The following METTL9 variants were observed in gnomAD, a reference collection of about 807,000 sequenced individuals.
METTL9 encodes the protein protein-L-histidine N-pros-methyltransferase.
In METTL9, 10 loss-of-function variants were observed where a neutral mutation model predicts 36.0. That is an observed-to-expected ratio of 0.28 (90% CI 0.17 to 0.47). The LOEUF (loss-of-function observed/expected upper bound fraction) is 0.47, where lower values mean the gene tolerates loss of function less well. METTL9 is among the 20% of genes least tolerant of loss of function. The pLI, the probability that METTL9 is intolerant of heterozygous loss-of-function variation, is 0.99. For missense variants in METTL9, 246 were observed against 383.5 expected (o/e 0.64, Z 3.00); for synonymous variants, 175 against 149.7 (o/e 1.17, Z -1.23).
At chr16:21,601,486 C>T (rs906316559) in intron 1 of METTL9, among the ~76,000 whole-genome samples, 10 of 152,122 alleles carry the variant, frequency 6.6e-5, no homozygotes, top group Admixed American at 3.9e-4. Flanking sequence ...ATGATTACCC[C>T]TACTGCAGCC....
In METTL9 at chr16:21,613,168, C is replaced by CTTTTT. The variant is rs57388340; in HGVS notation, c.356+365_356+369dup. Reference sequence around the variant, plus strand: ...ATCAGGGGCTAGGTCTGAGAGTCTGCTTTTTTTTTTTTTTTTTTTTTTTTT... The same window carrying CTTTTT: ...ATCAGGGGCTAGGTCTGAGAGTCTGCTTTTTTTTTTTTTTTTTTTTTTTTTTTTTT... On this transcript the variant is annotated intron_variant, in intron 2 of 4. Coordinates refer to ENST00000358154, the MANE Select transcript of METTL9 (RefSeq NM_016025.5). Among the ~76,000 whole-genome samples, 12 of 91,426 alleles carry CTTTTT rather than the reference C, an allele frequency of 1.3e-4. 2 individuals are homozygous for CTTTTT. The highest frequency in any genetic ancestry group is 3.8e-4 in the African/African-American group (7 of 18,524). The allele number at this position is 91,426 out of a possible 152,430, so 60.0% of individuals were successfully genotyped here.
intron 4 of METTL9, among the ~76,000 whole-genome samples, chr16:21,647,916 C>T (rs1467089335): frequency 4.6e-5 from 7 of 152,206 alleles, no homozygotes; most frequent in Non-Finnish European, 8.8e-5. Context: ...GTGTGGTAAC[C>T]TGTGTCCCCA....
chr16:21,607,678 T>C (rs985797069), intron 1 of METTL9, among the ~76,000 whole-genome samples: 1 of 152,234 alleles, frequency 6.6e-6, no homozygotes, highest in African/African-American at 2.4e-5. Flanking sequence ...TTGAGTGAGC[T>C]TTAAAGGCAG....
chr16:21,629,590 T>G (rs1444670108), intron 4 of METTL9, among the ~76,000 whole-genome samples: 1 of 152,196 alleles, frequency 6.6e-6, no homozygotes, highest in East Asian at 1.9e-4. Flanking sequence ...GGGTTCCTGG[T>G]CTTGCTGGCC....
At chr16:21,597,420 T>C (rs1160747994), upstream of METTL9, 11 of 582,480 alleles carry the variant, frequency 1.9e-5, no homozygotes, top group Admixed American at 5.9e-5. Context: ...GTGGTTATTA[T>C]AGAGTATTTT....
chr16:21,652,474 G>A (rs3091402), intron 4 of METTL9: 84,925 of 1,318,072 alleles, frequency 0.064, 5,669 homozygotes, highest in East Asian at 0.33. Flanking sequence ...AAATGCATTA[G>A]GTGAAAAATA....
intron 4 of METTL9, chr16:21,643,501 A>C: frequency 1.6e-6 from 2 of 1,232,064 alleles, no homozygotes; most frequent in Non-Finnish European, 1.2e-6. Context: ...TGAAATCGTT[A>C]CAACCAGCCA....
chr16:21,629,656 C>T (rs1020793828), intron 4 of METTL9, among the ~76,000 whole-genome samples: 2 of 152,150 alleles, frequency 1.3e-5, no homozygotes, highest in Non-Finnish European at 2.9e-5. Context: ...AAAGGTGGCA[C>T]GGACCCAAAG....
chr16:21,603,410 A>G (rs1379337284), intron 1 of METTL9, among the ~76,000 whole-genome samples: 1 of 152,170 alleles, frequency 6.6e-6, no homozygotes, highest in African/African-American at 2.4e-5. Context: ...AAGTGCTGGA[A>G]TTACAGGAGT....
At chr16:21,628,920 C>CGA (rs1965877247) in intron 4 of METTL9, among the ~76,000 whole-genome samples, 1 of 141,960 alleles carries the variant, frequency 7.0e-6, no homozygotes, top group African/African-American at 2.6e-5. Flanking sequence ...GATGGAGTCT[C>CGA]ACTCTGTCAC....
At chr16:21,641,515 A>G (rs750192058) in intron 4 of METTL9, 5 of 1,515,974 alleles carry the variant, frequency 3.3e-6, no homozygotes, top group Non-Finnish European at 4.6e-6. Context: ...CAGTGACTTC[A>G]TTGAAAATTA....
At chr16:21,654,940 A>G in intron 4 of METTL9, 2 of 415,806 alleles carry the variant, frequency 4.8e-6, no homozygotes. Context: ...CAAAACTGTC[A>G]GAGAAGATAA....
At chr16:21,643,030 C>T (rs985898952) in intron 4 of METTL9, 3 of 1,349,526 alleles carry the variant, frequency 2.2e-6, no homozygotes, top group Middle Eastern at 4.2e-4. Context: ...TTCAAACGTG[C>T]TTTATATCTG....
At chr16:21,647,334 C>T in intron 4 of METTL9, 1 of 1,614,214 alleles carries the variant, frequency 6.2e-7, no homozygotes, top group South Asian at 1.1e-5. Flanking sequence ...CACAGGTTCT[C>T]AGGCTGGTGA....
At chr16:21,651,648 C>T (rs1252375678) in intron 4 of METTL9, among the ~76,000 whole-genome samples, 2 of 152,118 alleles carry the variant, frequency 1.3e-5, no homozygotes, top group Non-Finnish European at 2.9e-5. Flanking sequence ...ATCAAAGTAG[C>T]GAAGTAGTAC....
chr16:21,597,282 T>C (rs116558441), upstream of METTL9: 411 of 1,289,098 alleles, frequency 3.2e-4, 1 homozygote, highest in African/African-American at 5.8e-3. Context: ...CGAGCTGGGA[T>C]ACCAAGTTCT....
In METTL9 at chr16:21,657,035, A is replaced by G. The variant is rs1567353127; in HGVS notation, c.*1603A>G. 1 of 152,028 alleles carries G rather than the reference A, an allele frequency of 6.6e-6. No homozygotes were observed. The highest frequency in any genetic ancestry group is 2.4e-5 in the African/African-American group (1 of 41,384). 9.4% of individuals were successfully genotyped at this position (152,028 alleles called of 1,614,324 possible). A position where few individuals can be genotyped will look rare whatever the true frequency, so the allele number is the denominator to read the frequency against. The stretch of plus-strand genomic sequence containing the variant: ...GTACAGTTGAGTTTTGCTTCTTTAT[A>G]AACTGTCTGTTAAAATCAGGGGTTG... On this transcript the variant is annotated 3_prime_UTR_variant, in exon 5 of 5. Coordinates refer to ENST00000358154, the MANE Select transcript of METTL9 (RefSeq NM_016025.5).
rs763582744 is a variant in METTL9, at chr16:21,647,402, A to G, written c.752-7825A>G. 4.0e-5 allele frequency: 65 copies of G among 1,613,952 alleles called. No homozygotes were observed. In the South Asian group the frequency reaches 6.9e-4, roughly 17 times the overall value. On this transcript the variant is annotated intron_variant, in intron 4 of 4. Coordinates refer to ENST00000358154, the MANE Select transcript of METTL9 (RefSeq NM_016025.5). The stretch of plus-strand genomic sequence containing the variant: ...CTCAGAAGGGCATCCGGTTGCGGAG[A>G]AGGTACACTTTATGGTGACGGCCTC...
intron 1 of METTL9, among the ~76,000 whole-genome samples, chr16:21,606,046 C>T (rs373344778): frequency 5.3e-5 from 8 of 151,834 alleles, no homozygotes; most frequent in South Asian, 2.1e-4. Flanking sequence ...ACTCATAGAA[C>T]TTAGGAAAAC....
Sources: gnomAD v4.1 joint callset for allele counts (sites outside exome capture counted in the v4.1 genomes callset) on GRCh38, gnomAD v4.1.1 for gene constraint, MANE v1.5 for transcripts, NCBI Gene and HGNC (gene_info 2026-07-23, HGNC 2026-07-21) for gene names.